Variants in CSMD1 observed in about 807,000 individuals in gnomAD.
The protein encoded by CSMD1 is CUB and sushi domain-containing protein 1.
Under a neutral mutation model 417.5 loss-of-function variants are expected in CSMD1, and 213 were observed. The observed-to-expected ratio is 0.51, with a 90% confidence interval of 0.46 to 0.57. The LOEUF is 0.57. Among genes scored for constraint, CSMD1 ranks in the 20% least tolerant of loss-of-function variants. The pLI, the probability that CSMD1 is intolerant of heterozygous loss-of-function variation, is 0.00. For missense variants in CSMD1, 6,923 were observed against 4,529.7 expected (o/e 1.53, Z -15.17); for synonymous variants, 2,862 against 1,736.8 (o/e 1.65, Z -16.11).
At chr8:3,541,340 C>T (rs1048343538) in intron 10 of CSMD1, among the ~76,000 whole-genome samples, 2 of 152,074 alleles carry the variant, frequency 1.3e-5, no homozygotes, top group African/African-American at 4.8e-5. Flanking sequence ...AACACATGGA[C>T]ACAGGGAAAG....
rs567131244 is a variant in CSMD1, at chr8:4,232,273, A to C, written c.415+187680T>G. 1.0e-3 allele frequency among the ~76,000 whole-genome samples: 159 copies of C among 152,246 alleles called. 1 individual carries two copies. The South Asian group carries it at 0.016, about 15-fold the overall frequency. On this transcript the variant is annotated intron_variant, in intron 3 of 69. Coordinates refer to ENST00000635120, the MANE Select transcript of CSMD1 (RefSeq NM_033225.6). ...TAGTGCAGTGGCACGATCTTGGCTC[A>C]CTGCAACCTCCGCCTCCCAGGTTCA...
chr8:3,305,053 T>G (rs189092848), intron 25 of CSMD1, among the ~76,000 whole-genome samples: 4 of 152,234 alleles, frequency 2.6e-5, no homozygotes, highest in Admixed American at 2.0e-4. Context: ...TTTAATTAAT[T>G]TATTTACTTA....
At chr8:4,181,347 G>A (rs3849834) in intron 3 of CSMD1, among the ~76,000 whole-genome samples, 105,981 of 151,134 alleles carry the variant, frequency 0.7, 37,041 homozygotes, top group South Asian at 0.84. Flanking sequence ...GCAATGGTAC[G>A]GTTTCTCATT....
chr8:4,462,523 C>G (rs1440772286), intron 2 of CSMD1, among the ~76,000 whole-genome samples: 1 of 152,068 alleles, frequency 6.6e-6, no homozygotes, highest in East Asian at 1.9e-4. Flanking sequence ...ATTCAAAGGA[C>G]TTAGAATACT....
chr8:3,832,274 G>C (rs1356501612), intron 5 of CSMD1, among the ~76,000 whole-genome samples: 1 of 152,168 alleles, frequency 6.6e-6, no homozygotes, highest in Non-Finnish European at 1.5e-5. Flanking sequence ...CCTTATTCCT[G>C]AGTACACGGG....
At chr8:4,071,673 G>A (rs1799565921) in intron 3 of CSMD1, among the ~76,000 whole-genome samples, 1 of 152,034 alleles carries the variant, frequency 6.6e-6, no homozygotes, top group South Asian at 2.1e-4. Context: ...TGTTGTTTCT[G>A]GAATTGTGAA....
intron 1 of CSMD1, among the ~76,000 whole-genome samples, chr8:4,733,041 A>G (rs1457089884): frequency 6.6e-6 from 1 of 152,130 alleles, no homozygotes; most frequent in African/African-American, 2.4e-5. Flanking sequence ...AAAAATCCCC[A>G]AATGAAAAAT....
intron 53 of CSMD1, 138 bp from the exon 54 acceptor site, chr8:2,998,322 G>A (rs758757155): frequency 4.3e-5 from 32 of 745,332 alleles, no homozygotes; most frequent in Non-Finnish European, 6.0e-5. Flanking sequence ...CTTACAGATG[G>A]TATTTATATT....
At chr8:4,302,965 C>T (rs1585192482) in intron 3 of CSMD1, among the ~76,000 whole-genome samples, 1 of 152,020 alleles carries the variant, frequency 6.6e-6, no homozygotes, top group East Asian at 1.9e-4. Flanking sequence ...AAACTGTGAC[C>T]AGAAGTTCAG....
chr8:4,634,703 G>C (rs1049503661), intron 2 of CSMD1, among the ~76,000 whole-genome samples: 6 of 152,162 alleles, frequency 3.9e-5, no homozygotes, highest in African/African-American at 1.4e-4. Context: ...GAAACGAATA[G>C]CATTAGAGTG....
chr8:4,992,868 G>C (rs1432634857), intron 1 of CSMD1, among the ~76,000 whole-genome samples: 1 of 152,214 alleles, frequency 6.6e-6, no homozygotes, highest in Non-Finnish European at 1.5e-5. Context: ...CCCACTGTTT[G>C]CGATCCCCGA....
At chr8:3,148,747 G>A (rs1255783716) in intron 40 of CSMD1, among the ~76,000 whole-genome samples, 2 of 152,164 alleles carry the variant, frequency 1.3e-5, no homozygotes, top group Non-Finnish European at 2.9e-5. Context: ...CCTACCAGGG[G>A]CATCATAATT....
Position 4,615,501 on chromosome 8 carries a change from A to C in CSMD1, c.302+21841T>G, listed in dbSNP as rs181515001. On this transcript the variant is annotated intron_variant, in intron 2 of 69. Transcript: ENST00000635120. ...TAATTTAATTGCTTACAAATGTCCA[A>C]ATTCTAATTTTAAAGTAGGAAAAAT... Among the ~76,000 whole-genome samples, 27 of 152,338 alleles carry C rather than the reference A, an allele frequency of 1.8e-4. No homozygotes were observed. In the East Asian group the frequency reaches 5.0e-3, roughly 28 times the overall value.
At chr8:3,838,468 T>A (rs1217218212) in intron 5 of CSMD1, among the ~76,000 whole-genome samples, 1 of 130,140 alleles carries the variant, frequency 7.7e-6, no homozygotes, top group Admixed American at 8.0e-5. Flanking sequence ...TAGGCTATAT[T>A]ATATTATATA....
At chr8:3,257,604 A>G (rs895909170) in intron 26 of CSMD1, among the ~76,000 whole-genome samples, 5 of 152,168 alleles carry the variant, frequency 3.3e-5, no homozygotes, top group Admixed American at 2.0e-4. Context: ...CCCTGAGATG[A>G]TGACACATAT....
intron 2 of CSMD1, among the ~76,000 whole-genome samples, chr8:4,473,861 A>G (rs1182777424): frequency 6.6e-6 from 1 of 152,214 alleles, no homozygotes; most frequent in African/African-American, 2.4e-5. Context: ...AGCATATATA[A>G]GAATTTAATA....
chr8:3,908,042 G>C (rs1808225594), intron 5 of CSMD1, among the ~76,000 whole-genome samples: 1 of 152,010 alleles, frequency 6.6e-6, no homozygotes, highest in Admixed American at 6.6e-5. Flanking sequence ...ATAGGTATTT[G>C]ACCCCAAAGT....
chr8:4,767,139 G>A (rs75309279), intron 1 of CSMD1, among the ~76,000 whole-genome samples: 1 of 152,076 alleles, frequency 6.6e-6, no homozygotes, highest in Non-Finnish European at 1.5e-5. Flanking sequence ...CGATGCAGTG[G>A]GTTAATAACA....
chr8:4,020,729 A>G (rs1796747918), intron 4 of CSMD1, among the ~76,000 whole-genome samples: 1 of 152,246 alleles, frequency 6.6e-6, no homozygotes, highest in African/African-American at 2.4e-5. Context: ...AGTCTTCTGT[A>G]ATCTTCATTC....
Sources: allele counts gnomAD v4.1 joint callset (sites outside exome capture counted in the v4.1 genomes callset), GRCh38; gene constraint gnomAD v4.1.1; transcripts MANE v1.5; gene names NCBI Gene and HGNC (gene_info 2026-07-23, HGNC 2026-07-21).